The following TRAPPC9 variants were observed in gnomAD, a reference collection of about 807,000 sequenced individuals.
The protein encoded by TRAPPC9 is IKK2 binding protein.
TRAPPC9 carries 83 observed loss-of-function variants against 124.0 expected under a neutral mutation model. The observed-to-expected ratio is 0.67, with a 90% CI of 0.56 to 0.80. The LOEUF (loss-of-function observed/expected upper bound fraction) is 0.80. Ranked by LOEUF, TRAPPC9 falls within the 30% of genes least tolerant of loss-of-function variation. TRAPPC9 has a pLI of 0.00. For synonymous variants in TRAPPC9, 638 were observed against 617.5 expected, an observed-to-expected ratio of 1.03 and a Z score of -0.49; for missense variants, 1,302 against 1,508.3, an observed-to-expected ratio of 0.86 and a Z score of 2.27.
At chr8:140,158,527 A>G (rs1225400662) in intron 17 of TRAPPC9, among the ~76,000 whole-genome samples, 2 of 152,212 alleles carry the variant, frequency 1.3e-5, no homozygotes, top group East Asian at 3.8e-4. Context: ...GGCCTCCAAA[A>G]CTGCAAGATA....
chr8:139,853,607 TC>T (rs1329108608), intron 21 of TRAPPC9, among the ~76,000 whole-genome samples: 1 of 152,118 alleles, frequency 6.6e-6, no homozygotes, highest in African/African-American at 2.4e-5. Context: ...AGCCACCACC[TC>T]CTGCAGGGTG....
intron 10 of TRAPPC9, among the ~76,000 whole-genome samples, chr8:140,307,876 G>A (rs1265718335): frequency 1.3e-5 from 2 of 152,210 alleles, no homozygotes; most frequent in Admixed American, 6.5e-5. Context: ...TTGAGGTAAA[G>A]ACAGAGTTAC....
chr8:140,234,612 C>T (rs1454326455), intron 16 of TRAPPC9, among the ~76,000 whole-genome samples: 1 of 152,228 alleles, frequency 6.6e-6, no homozygotes, highest in East Asian at 1.9e-4. Flanking sequence ...CCGTGCCCCA[C>T]TTTATAAAAA....
At chr8:139,970,766 G>C (rs1836006323) in intron 19 of TRAPPC9, among the ~76,000 whole-genome samples, 1 of 152,174 alleles carries the variant, frequency 6.6e-6, no homozygotes, top group South Asian at 2.1e-4. Context: ...GGCAGGGGTA[G>C]AGTCACGTGC....
intron 8 of TRAPPC9, among the ~76,000 whole-genome samples, chr8:140,369,320 C>T (rs901260862): frequency 8.5e-5 from 13 of 152,184 alleles, no homozygotes; most frequent in African/African-American, 3.1e-4. Context: ...TGTGCAAACA[C>T]CGGGAAGCTG....
chr8:139,976,966 G>A (rs765582293), intron 19 of TRAPPC9, among the ~76,000 whole-genome samples: 4 of 152,130 alleles, frequency 2.6e-5, no homozygotes, highest in African/African-American at 7.2e-5. Flanking sequence ...GCAGGGCCGC[G>A]GAATCAGGGT....
chr8:140,272,130 C>CAATGATGATGGTGATGGTGGTGATGGT (rs1450234909), intron 15 of TRAPPC9, among the ~76,000 whole-genome samples: 15 of 100,382 alleles, frequency 1.5e-4, no homozygotes, highest in African/African-American at 1.4e-4. Flanking sequence ...GTGATGGTGG[C>CAATGATGATGGTGATGGTGGTGATGGT]GATGGTGATG....
chr8:140,275,742 G>A lies in TRAPPC9; in HGVS notation c.2194C>T (p.Gln732Ter), dbSNP rs139179950. The change falls in exon 15 of 23, where the codon CAG (glutamine) becomes TAG (stop). Residue 732 changes from glutamine (Q) to a stop codon, truncating the protein, a stop_gained. Coordinates refer to ENST00000438773, the MANE Select transcript of TRAPPC9 (RefSeq NM_001160372.4). LOFTEE classifies it high-confidence loss of function. ...VSVQLYNGES[Q>*]QLIIKLENIG... ...TTTTCCAATTTAATGATTAGTTGCT[G>A]ACTTTCTCCATTGTAAAGCTGGACA... 3.1e-6 allele frequency: 5 copies of A among 1,613,540 alleles called. No homozygotes were observed. The African/African-American group carries it at 6.7e-5, about 22-fold the overall frequency.
intron 17 of TRAPPC9, among the ~76,000 whole-genome samples, chr8:140,151,391 C>T (rs762342378): frequency 2.4e-4 from 36 of 152,178 alleles, no homozygotes; most frequent in Non-Finnish European, 4.6e-4. Context: ...GGCTGCAAAC[C>T]CAGCAGTGGA....
intron 21 of TRAPPC9, among the ~76,000 whole-genome samples, chr8:139,840,922 G>A (rs968672913): frequency 6.6e-6 from 1 of 152,172 alleles, no homozygotes; most frequent in Non-Finnish European, 1.5e-5. Context: ...GTGCTTGGAA[G>A]GGTAGGATCT....
intron 2 of TRAPPC9, among the ~76,000 whole-genome samples, chr8:140,441,739 A>T (rs1440747059): frequency 6.6e-6 from 1 of 152,102 alleles, no homozygotes; most frequent in Non-Finnish European, 1.5e-5. Context: ...TAATATTTAT[A>T]TTTTTTGTAG....
At chr8:139,791,900 G>T (rs747594053) in intron 21 of TRAPPC9, among the ~76,000 whole-genome samples, 1 of 152,178 alleles carries the variant, frequency 6.6e-6, no homozygotes, top group Non-Finnish European at 1.5e-5. Flanking sequence ...CAGCGCGCGT[G>T]GGGTGGGGGT....
At chr8:140,214,954 A>G (rs2063154816) in intron 17 of TRAPPC9, among the ~76,000 whole-genome samples, 1 of 152,128 alleles carries the variant, frequency 6.6e-6, no homozygotes, top group African/African-American at 2.4e-5. Context: ...CACGATTCCA[A>G]TTAAATCACA....
chr8:140,308,994 C>T (rs1418473126), intron 10 of TRAPPC9, among the ~76,000 whole-genome samples: 1 of 152,136 alleles, frequency 6.6e-6, no homozygotes, highest in Admixed American at 6.5e-5. Context: ...GCCACAGGAG[C>T]CTCAGGACCC....
At position 140,006,874 on chromosome 8, in the gene TRAPPC9, TG is replaced by T. The variant is rs528146726; in HGVS notation, c.2699+17062del. ...GCAGCGATGGGTACAGGGTTTCTTC[TG>T]GGAGGATGAAAAGTTCTAAAATCAG... On this transcript the variant is annotated intron_variant, in intron 18 of 22. Transcript: ENST00000438773. 1.8e-4 allele frequency among the ~76,000 whole-genome samples: 28 copies of T among 152,258 alleles called. No homozygotes were observed. In the East Asian group the frequency reaches 5.2e-3, roughly 28 times the overall value.
chr8:139,838,990 T>G (rs1360367774), intron 21 of TRAPPC9, among the ~76,000 whole-genome samples: 1 of 151,918 alleles, frequency 6.6e-6, no homozygotes, highest in Admixed American at 6.6e-5. Flanking sequence ...CTGGGAGGGG[T>G]GGAATTCTCC....
At chr8:140,271,930 GGTAGTGGTAGCAGCA>G (rs1416840264) in intron 15 of TRAPPC9, among the ~76,000 whole-genome samples, 18 of 152,174 alleles carry the variant, frequency 1.2e-4, no homozygotes, top group Non-Finnish European at 2.5e-4. Context: ...TAGTGATGGT[GGTAGTGGTAGCAGCA>G]GTGATGGTGA....
At chr8:139,851,130 G>C (rs966626583) in intron 21 of TRAPPC9, among the ~76,000 whole-genome samples, 4 of 152,190 alleles carry the variant, frequency 2.6e-5, no homozygotes, top group Non-Finnish European at 5.9e-5. Flanking sequence ...ACCTGTCAGT[G>C]AATAGAGGAA....
At chr8:139,979,002 C>T (rs981414401) in intron 19 of TRAPPC9, among the ~76,000 whole-genome samples, 3 of 151,868 alleles carry the variant, frequency 2.0e-5, no homozygotes, top group South Asian at 4.2e-4. Flanking sequence ...ACTCGGTGGC[C>T]GGGCTCCCAT....
Sources: gnomAD v4.1 joint callset for allele counts (sites outside exome capture counted in the v4.1 genomes callset) on GRCh38, gnomAD v4.1.1 for gene constraint, MANE v1.5 for transcripts, NCBI Gene and HGNC (gene_info 2026-07-23, HGNC 2026-07-21) for gene names.